The following GCA variants were observed in gnomAD, a reference collection of about 807,000 sequenced individuals.
GCA encodes the protein grancalcin, also known as grancalcin, EF-hand calcium-binding protein.
In GCA, 30 loss-of-function variants were observed where a neutral mutation model predicts 32.6. That is an observed-to-expected ratio of 0.92 (90% CI 0.69 to 1.25). The LOEUF (loss-of-function observed/expected upper bound fraction) is 1.25, where lower values mean the gene tolerates loss of function less well. GCA is among the 50% of genes most tolerant of loss of function. The probability of loss-of-function intolerance (pLI) is 0.00; values close to 1 mark genes in which losing one functional copy is unlikely to be tolerated. For synonymous variants in GCA, 102 were observed against 84.6 expected, an observed-to-expected ratio of 1.21 and a Z score of -1.13; for missense variants, 291 against 266.8, an observed-to-expected ratio of 1.09 and a Z score of -0.63.
intron 7 of GCA, among the ~76,000 whole-genome samples, 190 bp downstream of exon 7, chr2:162,359,742 T>A (rs1274962783): frequency 6.6e-6 from 1 of 151,248 alleles, no homozygotes; most frequent in African/African-American, 2.4e-5. Context: ...TGACTTCATG[T>A]TAAATTGTAA....
intron 1 of GCA, chr2:162,319,334 A>C: frequency 2.3e-6 from 1 of 426,088 alleles, no homozygotes; most frequent in Non-Finnish European, 4.8e-6. Context: ...ATGTGGATGG[A>C]CTTGAACCAC....
chr2:162,344,601 T>G, intron 1 of GCA: 3 of 422,482 alleles, frequency 7.1e-6, no homozygotes, highest in Non-Finnish European at 1.3e-5. Flanking sequence ...TTTGTGGTAC[T>G]TCCCTCCCCC....
chr2:162,327,763 C>A (rs1340841066), intron 1 of GCA, among the ~76,000 whole-genome samples: 1 of 152,202 alleles, frequency 6.6e-6, no homozygotes, highest in Non-Finnish European at 1.5e-5. Flanking sequence ...CTGATTTGCA[C>A]CTTTGGTGGC....
At chr2:162,373,542 G>C (rs148899074), downstream of GCA, 58 of 1,591,702 alleles carry the variant, frequency 3.6e-5, no homozygotes, top group Middle Eastern at 1.7e-4. Flanking sequence ...TCAGCTGGAT[G>C]ATGGGTCTCT....
rs1685557456 is a variant in GCA at position 162,361,212 on chromosome 2, A to C, written c.*969A>C. On this transcript the variant is annotated 3_prime_UTR_variant, in exon 8 of 8. Coordinates refer to ENST00000437150, the MANE Select transcript of GCA (RefSeq NM_012198.5). ...AAAACCCAGTAAGTATTTTGAGTGCATCTATGTGATGTGGTGTTTTGAGCA... is the reference window on the plus strand; with the variant it reads ...AAAACCCAGTAAGTATTTTGAGTGCCTCTATGTGATGTGGTGTTTTGAGCA... 1.0e-6 allele frequency: 1 copy of C among 984,856 alleles called. No individual in the cohort carries two copies. Among genetic ancestry groups the C allele is most frequent in the South Asian group, 4.7e-5 (1 of 21,288 alleles). 61.0% of individuals were successfully genotyped at this position (984,856 alleles called of 1,614,324 possible).
In GCA at chr2:162,359,545, A is replaced by G; in HGVS notation, c.620A>G (p.Tyr207Cys). ...HLQQGSANFIYDDFLQGTMAI is the reference protein window; with the variant it reads ...HLQQGSANFICDDFLQGTMAI ...CAACAAGGGTCTGCGAATTTCATATATGACGATGTGAGTATCCTGCTTTTG... is the reference window on the plus strand; with the variant it reads ...CAACAAGGGTCTGCGAATTTCATATGTGACGATGTGAGTATCCTGCTTTTG... The change falls in exon 7 of 8, where the codon TAT becomes TGT. Residue 207 changes from tyrosine (Y) to cysteine (C), a missense_variant. Transcript: ENST00000437150. 6.6e-7 allele frequency: 1 copy of G among 1,522,358 alleles called. No homozygotes were observed. Among genetic ancestry groups the G allele is most frequent in the Non-Finnish European group, 9.1e-7 (1 of 1,104,962 alleles). The allele number at this position is 1,522,358 out of a possible 1,614,324, so 94.3% of individuals were successfully genotyped here. A position where few individuals can be genotyped will look rare whatever the true frequency, so the allele number is the denominator to read the frequency against.
At chr2:162,341,085 A>G (rs910466358), upstream of GCA, among the ~76,000 whole-genome samples, 1 of 151,976 alleles carries the variant, frequency 6.6e-6, no homozygotes, top group African/African-American at 2.4e-5. Context: ...GCTCCAAAAA[A>G]GCAAGGACAT....
chr2:162,321,725 T>G (rs970872391), intron 1 of GCA, among the ~76,000 whole-genome samples: 1 of 151,872 alleles, frequency 6.6e-6, no homozygotes, highest in Non-Finnish European at 1.5e-5. Flanking sequence ...GTCAGAAGTT[T>G]GTTCTAAGGA....
At chr2:162,334,977 G>C (rs1254972670) in intron 1 of GCA, among the ~76,000 whole-genome samples, 1 of 152,104 alleles carries the variant, frequency 6.6e-6, no homozygotes, top group Non-Finnish European at 1.5e-5. Flanking sequence ...TGGTAAAACT[G>C]CTCCTAGATT....
chr2:162,359,257 C>T, intron 6 of GCA, 100 bp downstream of exon 6: 1 of 733,134 alleles, frequency 1.4e-6, no homozygotes, highest in Non-Finnish European at 2.4e-6. Context: ...TATGTGTTTT[C>T]TCCCTTTATT....
At position 162,344,167 on chromosome 2, in the gene GCA, C is replaced by A; in HGVS notation, c.-82C>A. On this transcript the variant is annotated 5_prime_UTR_variant, in exon 1 of 8. Coordinates refer to ENST00000437150, the MANE Select transcript of GCA (RefSeq NM_012198.5). ...TCAGCCTCACCTGCAGCTGCGCCTC[C>A]TTGCACCTGCGCCTGTGCTTTTTCT... is the stretch of plus-strand genomic sequence containing the variant. 1 of 1,484,566 alleles carries A rather than the reference C, an allele frequency of 6.7e-7. No individual in the cohort carries two copies. The highest frequency in any genetic ancestry group is 1.4e-5 in the African/African-American group (1 of 72,464). 92.0% of individuals were successfully genotyped at this position (1,484,566 alleles called of 1,614,324 possible). A position where few individuals can be genotyped will look rare whatever the true frequency, so the allele number is the denominator to read the frequency against.
chr2:162,319,341 C>T (rs1413095944), intron 1 of GCA: 1 of 417,166 alleles, frequency 2.4e-6, no homozygotes, highest in Non-Finnish European at 4.9e-6. Context: ...TGGACTTGAA[C>T]CACCAACTCA....
chr2:162,354,561 G>T (rs1685165853), intron 3 of GCA, among the ~76,000 whole-genome samples: 1 of 152,104 alleles, frequency 6.6e-6, no homozygotes, highest in Admixed American at 6.5e-5. Flanking sequence ...GGCTTAGAAT[G>T]CTCCTTAGGT....
chr2:162,331,992 A>G (rs1684101823), intron 1 of GCA, among the ~76,000 whole-genome samples: 1 of 152,196 alleles, frequency 6.6e-6, no homozygotes, highest in African/African-American at 2.4e-5. Context: ...TAGAACAAAT[A>G]AAACCTATTA....
rs750589966 is a variant in GCA, at chr2:162,360,949, A to T, written c.*706A>T. On this transcript the variant is annotated 3_prime_UTR_variant, in exon 8 of 8. Coordinates refer to ENST00000437150, the MANE Select transcript of GCA (RefSeq NM_012198.5). ...ATTTCTCTCTGCGTCCTATTTCATT[A>T]GTGAAGACATAGTTCACCTAAAATG... 7 of 1,139,000 alleles carry T rather than the reference A, an allele frequency of 6.1e-6. No homozygotes were observed. Among genetic ancestry groups the T allele is most frequent in the African/African-American group, 1.6e-5 (1 of 62,488 alleles). The allele number at this position is 1,139,000 out of a possible 1,614,324, so 70.6% of individuals were successfully genotyped here.
In GCA at chr2:162,321,913, TATATATATATATATATATATAC is replaced by T. The variant is rs1241145042; in HGVS notation, c.-31+2690_-31+2711del. On this transcript the variant is annotated intron_variant, in intron 1 of 4. Coordinates refer to the GCA transcript ENST00000429691. ...ATATATATATATATATATATATATA[TATATATATATATATATATATAC>T]ACACATACATATAAACACTATATAA... Among the ~76,000 whole-genome samples, 339 of 118,428 alleles carry T rather than the reference TATATATATATATATATATATAC, an allele frequency of 2.9e-3. 10 individuals are homozygous for T. Among genetic ancestry groups the T allele is most frequent in the African/African-American group, 0.011 (307 of 26,818 alleles). The allele number at this position is 118,428 out of a possible 152,430, so 77.7% of individuals were successfully genotyped here.
At chr2:162,337,731 CTCTT>C (rs914385447) in intron 1 of GCA, among the ~76,000 whole-genome samples, 1 of 152,102 alleles carries the variant, frequency 6.6e-6, no homozygotes, top group Non-Finnish European at 1.5e-5. Flanking sequence ...AAGTTTTTTT[CTCTT>C]TCTTTTACTT....
At chr2:162,343,089 AAC>A (rs1237559193), upstream of GCA, among the ~76,000 whole-genome samples, 1 of 152,238 alleles carries the variant, frequency 6.6e-6, no homozygotes, top group Non-Finnish European at 1.5e-5. Context: ...ATAGCTGAAC[AAC>A]AGATACTCAG....
chr2:162,319,441 C>A, intron 1 of GCA: 5 of 225,450 alleles, frequency 2.2e-5, no homozygotes, highest in Non-Finnish European at 4.7e-5. Flanking sequence ...TTTAATAAAA[C>A]AAAACAAAAA....
Sources: gnomAD v4.1 joint callset for allele counts (sites outside exome capture counted in the v4.1 genomes callset) on GRCh38, gnomAD v4.1.1 for gene constraint, MANE v1.5 for transcripts, NCBI Gene and HGNC (gene_info 2026-07-23, HGNC 2026-07-21) for gene names.